ABLIM2: variants seen among roughly 807,000 people sequenced by gnomAD.
The protein encoded by ABLIM2 is actin binding LIM protein family member 2.
In ABLIM2, 53 loss-of-function variants were observed where a neutral mutation model predicts 97.7. That is an observed-to-expected ratio of 0.54 (90% CI 0.44 to 0.68). The LOEUF (loss-of-function observed/expected upper bound fraction) is 0.68, where lower values mean the gene tolerates loss of function less well. ABLIM2 is among the 30% of genes least tolerant of loss of function. ABLIM2 has a pLI of 0.00. For synonymous variants in ABLIM2, 361 were observed against 345.8 expected, an observed-to-expected ratio of 1.04 and a Z score of -0.49; for missense variants, 835 against 867.2, an observed-to-expected ratio of 0.96 and a Z score of 0.47.
chr4:8,036,117 G>A (rs768407014), intron 10 of ABLIM2, 32 bp downstream of exon 10: 62 of 1,609,984 alleles, frequency 3.9e-5, no homozygotes, highest in Non-Finnish European at 4.2e-5. Flanking sequence ...TGGGGACACA[G>A]GTGTCCAGGG....
At chr4:8,097,896 GA>G (rs1832552181) in intron 2 of ABLIM2, among the ~76,000 whole-genome samples, 1 of 152,110 alleles carries the variant, frequency 6.6e-6, no homozygotes, top group African/African-American at 2.4e-5. Context: ...AGAGCCTGTG[GA>G]CTCCTGAAAG....
intron 6 of ABLIM2, among the ~76,000 whole-genome samples, chr4:8,076,280 T>C (rs2152395659): frequency 6.6e-6 from 1 of 152,356 alleles, no homozygotes; most frequent in African/African-American, 2.4e-5. Context: ...TGCCTTTTTC[T>C]TGCCAGAAAA....
At chr4:8,129,886 A>C (rs1849118864) in intron 1 of ABLIM2, among the ~76,000 whole-genome samples, 1 of 152,178 alleles carries the variant, frequency 6.6e-6, no homozygotes, top group East Asian at 1.9e-4. Context: ...TCTGTACCTA[A>C]TCCTGAGAGG....
rs1245333398 is a variant in ABLIM2, at chr4:8,155,296, T to C, written c.10+3384A>G. ...CTGTGGCTACATCATTGCCCATTCT[T>C]GGATTAGGTGAAGAAATGTGTCTCT... is the stretch of plus-strand genomic sequence containing the variant. On this transcript the variant is annotated intron_variant, in intron 1 of 20. Coordinates refer to ENST00000447017, the MANE Select transcript of ABLIM2 (RefSeq NM_001130083.2). The surrounding 1 kb of genome is among the most constrained non-coding windows in gnomAD (Gnocchi z 4.2). 2.6e-5 allele frequency among the ~76,000 whole-genome samples: 4 copies of C among 152,222 alleles called. No homozygotes were observed. Among genetic ancestry groups the C allele is most frequent in the Non-Finnish European group, 5.9e-5 (4 of 68,032 alleles).
rs925259725 is a variant in ABLIM2 at position 8,120,426 on chromosome 4, A to G, written c.11-13789T>C. On this transcript the variant is annotated intron_variant, in intron 1 of 20. Coordinates refer to ENST00000447017, the MANE Select transcript of ABLIM2 (RefSeq NM_001130083.2). The surrounding 1 kb of genome is among the most constrained non-coding windows in gnomAD (Gnocchi z 5.6). ...AATGTGGACACAGAGACAACCCCAG[A>G]CAATCCCCCGTCTGTGTGTTTTGTC... Among the ~76,000 whole-genome samples, 1 of 152,168 alleles carries G rather than the reference A, an allele frequency of 6.6e-6. No individual in the cohort carries two copies. Among genetic ancestry groups the G allele is most frequent in the African/African-American group, 2.4e-5 (1 of 41,444 alleles).
chr4:8,007,151 CATGAGG>C (rs912819084), intron 16 of ABLIM2: 49 of 985,312 alleles, frequency 5.0e-5, no homozygotes, highest in Admixed American at 6.2e-5. Context: ...AGTTTGCAGG[CATGAGG>C]ATGAGGATGA....
At chr4:8,007,829 T>C (rs1266738120) in intron 16 of ABLIM2, 1 of 1,332,612 alleles carries the variant, frequency 7.5e-7, no homozygotes, top group Non-Finnish European at 9.6e-7. Context: ...TGAGGGGACA[T>C]GCAGGCGTGG....
At chr4:8,048,215 G>A (rs1387122048) in intron 8 of ABLIM2, among the ~76,000 whole-genome samples, 16 of 152,368 alleles carry the variant, frequency 1.1e-4, no homozygotes, top group South Asian at 4.1e-4. Flanking sequence ...CCAGTGGGAG[G>A]AGGCTGGAGC....
intron 20 of ABLIM2, among the ~76,000 whole-genome samples, chr4:7,978,657 C>T (rs1411419452): frequency 6.6e-6 from 1 of 152,158 alleles, no homozygotes; most frequent in Non-Finnish European, 1.5e-5. Context: ...AGAAACACAG[C>T]CAGCAGGAAC....
At position 8,083,246 on chromosome 4, in the gene ABLIM2, G is replaced by A. The variant is rs761972250; in HGVS notation, c.455-2444C>T. 6.6e-6 allele frequency among the ~76,000 whole-genome samples: 1 copy of A among 152,138 alleles called. No homozygotes were observed. Among genetic ancestry groups the A allele is most frequent in the African/African-American group, 2.4e-5 (1 of 41,414 alleles). ...ACAGCAGCGGTCAGATCCCAGCAAT[G>A]CCCCCCACCGGCTGTGACCTGGGGA... On this transcript the variant is annotated intron_variant, in intron 4 of 20. Transcript: ENST00000447017. This position sits in a 1 kb window ranked among gnomAD's most constrained non-coding sequence, Gnocchi z 4.6.
chr4:8,100,749 G>GAAAAAAAAAAA (rs57318831), intron 2 of ABLIM2, among the ~76,000 whole-genome samples: 3 of 100,226 alleles, frequency 3.0e-5, no homozygotes, highest in African/African-American at 8.1e-5. Context: ...TCCATCTCAG[G>GAAAAAAAAAAA]AAAAAAAAAA....
chr4:7,996,305 G>A lies in ABLIM2; in HGVS notation c.1619-3378C>T, dbSNP rs1021391473. ...CCGATGCACACTGGCCTACTGCCTC[G>A]AGAACAGAGAACACCCTTGGTGGTG... is the stretch of plus-strand genomic sequence containing the variant. On this transcript the variant is annotated intron_variant, in intron 16 of 20. Coordinates refer to ENST00000447017, the MANE Select transcript of ABLIM2 (RefSeq NM_001130083.2). The surrounding 1 kb of genome is among the most constrained non-coding windows in gnomAD (Gnocchi z 4.5). Among the ~76,000 whole-genome samples, 6 of 152,154 alleles carry A rather than the reference G, an allele frequency of 3.9e-5. No homozygotes were observed. The highest frequency in any genetic ancestry group is 7.4e-5 in the Non-Finnish European group (5 of 68,026).
chr4:8,106,916 G>C (rs937348296), intron 1 of ABLIM2, among the ~76,000 whole-genome samples: 1 of 152,200 alleles, frequency 6.6e-6, no homozygotes, highest in Non-Finnish European at 1.5e-5. Context: ...GGAGGGGCCC[G>C]TGCTTCTCAT....
Position 8,074,951 on chromosome 4 carries a change from A to T in ABLIM2, c.675+2677T>A, listed in dbSNP as rs566385609. Among the ~76,000 whole-genome samples the T allele has an allele frequency of 1.5e-4, 23 of 151,968 alleles. 1 individual carries two copies. In the Middle Eastern group the frequency reaches 0.01, roughly 67 times the overall value. ...CAGGCACCCACCACCATGCCCAGCT[A>T]ATTTTTGTAGTTGTAGTAGAGACGG... is the stretch of plus-strand genomic sequence containing the variant. On this transcript the variant is annotated intron_variant, in intron 6 of 20. Transcript: ENST00000447017.
rs1332891285 is a variant in ABLIM2, at chr4:8,147,419, C to T, written c.10+11261G>A. ...AGATATCCCCATCTAATCGCTAAAA[C>T]CTGTGACATATATGGTTAAAAGGGG... is the stretch of plus-strand genomic sequence containing the variant. On this transcript the variant is annotated intron_variant, in intron 1 of 20. Coordinates refer to ENST00000447017, the MANE Select transcript of ABLIM2 (RefSeq NM_001130083.2). The surrounding 1 kb of genome is among the most constrained non-coding windows in gnomAD (Gnocchi z 5.3). Among the ~76,000 whole-genome samples, 2 of 152,110 alleles carry T rather than the reference C, an allele frequency of 1.3e-5. No homozygotes were observed. The highest frequency in any genetic ancestry group is 1.3e-4 in the Admixed American group (2 of 15,270).
At chr4:8,037,944 C>T (rs1209317881) in intron 9 of ABLIM2, among the ~76,000 whole-genome samples, 1 of 152,222 alleles carries the variant, frequency 6.6e-6, no homozygotes, top group Non-Finnish European at 1.5e-5. Flanking sequence ...CTCCGCGGTA[C>T]CCCACTGTGC....
intron 20 of ABLIM2, among the ~76,000 whole-genome samples, chr4:7,968,040 G>C (rs889950383): frequency 2.0e-5 from 3 of 152,260 alleles, no homozygotes; most frequent in Admixed American, 6.5e-5. Context: ...GCATCCCTCA[G>C]AGCTGGCTCA....
chr4:8,075,512 G>A lies in ABLIM2; in HGVS notation c.675+2116C>T, dbSNP rs1815443062. On this transcript the variant is annotated intron_variant, in intron 6 of 20. Transcript: ENST00000447017. The surrounding 1 kb of genome is among the most constrained non-coding windows in gnomAD (Gnocchi z 4.4). ...GCTCGAGACCAGCTTGGGTGACATA[G>A]TGAGACCCTGTCTCTACAAAAACTA... 6.6e-6 allele frequency among the ~76,000 whole-genome samples: 1 copy of A among 152,074 alleles called. No homozygotes were observed. Among genetic ancestry groups the A allele is most frequent in the African/African-American group, 2.4e-5 (1 of 41,406 alleles).
chr4:8,007,369 T>C, intron 16 of ABLIM2: 1 of 985,478 alleles, frequency 1.0e-6, no homozygotes, highest in Non-Finnish European at 1.2e-6. Context: ...TCCCAGCCCC[T>C]GCTTCGAAGC....
Sources: gnomAD v4.1 joint callset for allele counts (sites outside exome capture counted in the v4.1 genomes callset) on GRCh38, gnomAD v4.1.1 for gene constraint, Gnocchi (gnomAD v3.1) non-coding constraint, MANE v1.5 for transcripts, NCBI Gene and HGNC (gene_info 2026-07-23, HGNC 2026-07-21) for gene names.